The following PCDHA7 variants were observed in gnomAD, a reference collection of about 807,000 sequenced individuals.
PCDHA7 encodes the protein protocadherin alpha-7.
A neutral mutation model predicts 57.2 loss-of-function variants in PCDHA7; 37 were observed. The ratio of observed to expected loss-of-function variants is 0.65; its 90% CI spans 0.50 to 0.85. PCDHA7 has a LOEUF of 0.85. PCDHA7 is among the 40% of genes least tolerant of loss of function. The pLI is 0.00. For synonymous variants in PCDHA7, 553 were observed against 558.8 expected, an observed-to-expected ratio of 0.99 and a Z score of 0.15; for missense variants, 1,188 against 1,241.8, an observed-to-expected ratio of 0.96 and a Z score of 0.65.
chr5:140,982,634 T>C, intron 3 of PCDHA7, 71 bp downstream of exon 3: 1 of 1,555,420 alleles, frequency 6.4e-7, no homozygotes, highest in Non-Finnish European at 8.7e-7. Flanking sequence ...TTTTGTAAGA[T>C]CAGGAATGTT....
chr5:140,920,817 C>A (rs1430508925), intron 1 of PCDHA7, among the ~76,000 whole-genome samples: 1 of 150,498 alleles, frequency 6.6e-6, no homozygotes, highest in African/African-American at 2.5e-5. Flanking sequence ...GCACTCCAGC[C>A]TGGCGACGGA....
chr5:140,969,061 T>C (rs782313439), intron 1 of PCDHA7: 25 of 1,614,070 alleles, frequency 1.5e-5, no homozygotes, highest in Non-Finnish European at 4.2e-6. Flanking sequence ...ACAATATTGA[T>C]GCCAGGATAC....
intron 3 of PCDHA7, among the ~76,000 whole-genome samples, chr5:140,988,245 G>C (rs17286877): frequency 0.027 from 4,184 of 152,286 alleles, 88 homozygotes; most frequent in Non-Finnish European, 0.043. Flanking sequence ...GAGTGGGGCA[G>C]CTCCCGCCTG....
At chr5:140,972,197 A>G (rs2096524584) in intron 1 of PCDHA7, among the ~76,000 whole-genome samples, 1 of 152,100 alleles carries the variant, frequency 6.6e-6, no homozygotes. Context: ...GCTGGAGTAT[A>G]GGTGTGAATA....
At chr5:140,862,541 G>A (rs749747760) in intron 1 of PCDHA7, 2 of 445,208 alleles carry the variant, frequency 4.5e-6, no homozygotes, top group Non-Finnish European at 9.1e-6. Context: ...CGGGTCCGTG[G>A]AAGTGGCCGA....
intron 3 of PCDHA7, among the ~76,000 whole-genome samples, chr5:140,985,770 C>T (rs1456292041): frequency 1.5e-5 from 2 of 132,222 alleles, no homozygotes; most frequent in African/African-American, 2.8e-5. Flanking sequence ...GAGACAGTCT[C>T]GCTCTGTCGC....
chr5:140,887,670 C>A (rs368430565), intron 1 of PCDHA7, among the ~76,000 whole-genome samples: 2 of 151,988 alleles, frequency 1.3e-5, no homozygotes, highest in Non-Finnish European at 2.9e-5. Flanking sequence ...GTGGATTTAT[C>A]ATTTTCATCA....
Position 140,860,053 on chromosome 5 carries a change from C to T in PCDHA7, c.2355+23315C>T, listed in dbSNP as rs186329592. The T allele has an allele frequency of 6.0e-5, 9 of 150,766 alleles. No individual in the cohort carries two copies. In the East Asian group the frequency reaches 1.6e-3, roughly 26 times the overall value. 9.3% of individuals were successfully genotyped at this position (150,766 alleles called of 1,614,324 possible). A position where few individuals can be genotyped will look rare whatever the true frequency, so the allele number is the denominator to read the frequency against. ...CCTGTAATCCCAGCATTTTGAGAGGCCAAGGTGGGAGGATGGTTTGAGGCC... is the reference window on the plus strand; with the variant it reads ...CCTGTAATCCCAGCATTTTGAGAGGTCAAGGTGGGAGGATGGTTTGAGGCC... On this transcript the variant is annotated intron_variant, in intron 1 of 3. Transcript: ENST00000525929.
chr5:140,843,338 G>T (rs2150357785), intron 1 of PCDHA7: 1 of 1,596,002 alleles, frequency 6.3e-7, no homozygotes, highest in Non-Finnish European at 8.6e-7. Flanking sequence ...GGTGGAGAGC[G>T]GCCAGGCTCC....
At chr5:140,836,828 T>G in intron 1 of PCDHA7, 90 bp downstream of exon 1, 1 of 958,012 alleles carries the variant, frequency 1.0e-6, no homozygotes, top group Non-Finnish European at 1.5e-6. Context: ...TCTTTTTTAG[T>G]TGATAGCTTT....
chr5:140,869,778 C>A (rs782226363), intron 1 of PCDHA7: 1 of 1,612,922 alleles, frequency 6.2e-7, no homozygotes, highest in Non-Finnish European at 8.5e-7. Context: ...TTACTGGCAC[C>A]GTTCGGCTGT....
At chr5:141,004,597 C>CTTAG (rs1554259623) in intron 3 of PCDHA7, among the ~76,000 whole-genome samples, 1 of 152,218 alleles carries the variant, frequency 6.6e-6, no homozygotes, top group African/African-American at 2.4e-5. Flanking sequence ...GATGACAGTG[C>CTTAG]TTAGGCCTCA....
At chr5:140,882,698 G>T in intron 1 of PCDHA7, 1 of 1,614,200 alleles carries the variant, frequency 6.2e-7, no homozygotes, top group Non-Finnish European at 8.5e-7. Context: ...AATCATTGCA[G>T]AATCTAGACC....
At position 140,924,894 on chromosome 5, in the gene PCDHA7, CA is replaced by C. The variant is rs782133089; in HGVS notation, c.2356-54044del. 4.9e-4 allele frequency among the ~76,000 whole-genome samples: 35 copies of C among 71,496 alleles called. 1 individual carries two copies. Among genetic ancestry groups the C allele is most frequent in the Admixed American group, 2.6e-3 (18 of 6,864 alleles). The allele number at this position is 71,496 out of a possible 152,430, so 46.9% of individuals were successfully genotyped here. On this transcript the variant is annotated intron_variant, in intron 1 of 3. Coordinates refer to ENST00000525929, the MANE Select transcript of PCDHA7 (RefSeq NM_018910.3). Reference sequence around the variant, plus strand: ...TGGGTGACAGAGCAAGAACCTGTCTCAAAAAAAAAAATAAAATAAAATAAAA... The same window carrying C: ...TGGGTGACAGAGCAAGAACCTGTCTCAAAAAAAAAATAAAATAAAATAAAA...
chr5:140,884,702 T>C (rs1362804646), intron 1 of PCDHA7: 7 of 1,495,380 alleles, frequency 4.7e-6, no homozygotes, highest in East Asian at 4.7e-5. Context: ...GTAAACACTT[T>C]AGCCTTCCTT....
chr5:140,999,027 T>A (rs2097843534), intron 3 of PCDHA7, among the ~76,000 whole-genome samples: 1 of 152,262 alleles, frequency 6.6e-6, no homozygotes, highest in Admixed American at 6.5e-5. Flanking sequence ...AGACTTTTGA[T>A]ACTTCGTCCA....
Position 140,942,409 on chromosome 5 carries a change from T to TA in PCDHA7, c.2356-36528dup, listed in dbSNP as rs78736997. On this transcript the variant is annotated intron_variant, in intron 1 of 3. Coordinates refer to ENST00000525929, the MANE Select transcript of PCDHA7 (RefSeq NM_018910.3). Reference sequence around the variant, plus strand: ...CCTGGGCGACAGATGAGACTCTGTTTAAAAAAAAAAAAGATATCTAACAAT... The same window carrying TA: ...CCTGGGCGACAGATGAGACTCTGTTTAAAAAAAAAAAAAGATATCTAACAAT... Among the ~76,000 whole-genome samples, 1,256 of 143,596 alleles carry TA rather than the reference T, an allele frequency of 8.7e-3. 8 individuals are homozygous for TA. Among genetic ancestry groups the TA allele is most frequent in the African/African-American group, 0.03 (1,168 of 39,342 alleles). 94.2% of individuals were successfully genotyped at this position (143,596 alleles called of 152,430 possible).
At chr5:140,968,437 A>G (rs1267054987) in intron 1 of PCDHA7, 2 of 1,614,072 alleles carry the variant, frequency 1.2e-6, no homozygotes, top group Admixed American at 3.3e-5. Context: ...AGGGGAGCCC[A>G]CCACTGAGCA....
intron 1 of PCDHA7, among the ~76,000 whole-genome samples, chr5:140,845,833 T>G (rs1323820046): frequency 2.0e-5 from 3 of 149,812 alleles, no homozygotes; most frequent in Non-Finnish European, 4.5e-5. Context: ...GTTATTACCA[T>G]TCTTAAGAGA....
Sources: gnomAD v4.1 joint callset for allele counts (sites outside exome capture counted in the v4.1 genomes callset) on GRCh38, gnomAD v4.1.1 for gene constraint, MANE v1.5 for transcripts, NCBI Gene and HGNC (gene_info 2026-07-23, HGNC 2026-07-21) for gene names.